Variants in SORBS2 observed in about 807,000 individuals in gnomAD.
SORBS2 encodes sorbin and SH3 domain-containing protein 2.
In SORBS2, 46 loss-of-function variants were observed where a neutral mutation model predicts 97.7. That is an observed-to-expected ratio of 0.47 (90% CI 0.37 to 0.60). SORBS2 has a LOEUF of 0.60. Among genes scored for constraint, SORBS2 ranks in the 20% least tolerant of loss-of-function variants. SORBS2 has a pLI of 0.00. For synonymous variants in SORBS2, 476 were observed against 473.4 expected (o/e 1.01, Z -0.07); for missense variants, 1,316 against 1,282.3 (o/e 1.03, Z -0.40).
chr4:185,680,513 C>T (rs114778447), intron 2 of SORBS2, among the ~76,000 whole-genome samples: 29 of 151,956 alleles, frequency 1.9e-4, no homozygotes, highest in Non-Finnish European at 3.2e-4. Flanking sequence ...GAAAGGACAA[C>T]GAAAAGCAAA....
chr4:185,766,850 T>C (rs4862570), intron 2 of SORBS2, among the ~76,000 whole-genome samples: 1 of 152,246 alleles, frequency 6.6e-6, no homozygotes, highest in African/African-American at 2.4e-5. Flanking sequence ...ATACATGCTG[T>C]ACGTGTGTTT....
intron 1 of SORBS2, among the ~76,000 whole-genome samples, chr4:185,848,495 G>A (rs1487632765): frequency 6.6e-6 from 1 of 151,944 alleles, no homozygotes; most frequent in Non-Finnish European, 1.5e-5. Context: ...TCAAATGGAT[G>A]CAAATTTATG....
intron 2 of SORBS2, among the ~76,000 whole-genome samples, chr4:185,682,587 T>C (rs974925395): frequency 6.6e-6 from 1 of 152,196 alleles, no homozygotes; most frequent in African/African-American, 2.4e-5. Context: ...TCGAAGGCAA[T>C]AAATATTTAT....
intron 2 of SORBS2, among the ~76,000 whole-genome samples, chr4:185,683,271 C>A (rs2097901317): frequency 6.6e-6 from 1 of 151,320 alleles, no homozygotes; most frequent in Non-Finnish European, 1.5e-5. Context: ...AGCATTAAAT[C>A]TTTTCTATGA....
At chr4:185,782,680 T>A (rs2099036737) in intron 1 of SORBS2, among the ~76,000 whole-genome samples, 1 of 152,242 alleles carries the variant, frequency 6.6e-6, no homozygotes, top group South Asian at 2.1e-4. Context: ...ATATTATGCA[T>A]AAGTTATAAA....
At position 185,677,260 on chromosome 4, in the gene SORBS2, T is replaced by C. The variant is rs1193178277; in HGVS notation, c.-46+1163A>G. The C allele has an allele frequency of 3.2e-6, 5 of 1,551,996 alleles. No homozygotes were observed. In the Admixed American group the frequency reaches 7.8e-5, roughly 24 times the overall value. ...AACTGTGGAGTACTAATGGGGCTGC[T>C]ACTTCCTAGATCCTGGTTATGGGTT... is the stretch of plus-strand genomic sequence containing the variant. On this transcript the variant is annotated intron_variant, in intron 4 of 20. Transcript: ENST00000284776.
chr4:185,668,534 G>A (rs922936322), intron 4 of SORBS2, among the ~76,000 whole-genome samples: 1 of 152,112 alleles, frequency 6.6e-6, no homozygotes, highest in Non-Finnish European at 1.5e-5. Context: ...CCACAAAAAA[G>A]CTTTGACAAG....
chr4:185,935,229 G>T (rs1357113882), intron 1 of SORBS2, among the ~76,000 whole-genome samples: 2 of 152,184 alleles, frequency 1.3e-5, no homozygotes, highest in Non-Finnish European at 2.9e-5. Context: ...GGCACAAGGG[G>T]TTCAATCCCA....
rs1241213789 is a variant in SORBS2, at chr4:185,697,361, C to A, written c.-197-18539G>T. 8.5e-5 allele frequency among the ~76,000 whole-genome samples: 13 copies of A among 152,256 alleles called. No individual in the cohort carries two copies. In the East Asian group the frequency reaches 2.3e-3, roughly 27 times the overall value. On this transcript the variant is annotated intron_variant, in intron 2 of 20. Coordinates refer to the SORBS2 transcript ENST00000284776. ...GATTTCTATGGATTTTCCCGTCTCC[C>A]AATTGTCCCACACCCAGCTTAGCAA... is the stretch of plus-strand genomic sequence containing the variant.
intron 1 of SORBS2, among the ~76,000 whole-genome samples, chr4:185,877,457 T>C (rs2099234244): frequency 6.6e-6 from 1 of 152,242 alleles, no homozygotes; most frequent in Admixed American, 6.5e-5. Context: ...GCAATCAGCA[T>C]CACATATATT....
chr4:185,699,356 G>A (rs1404858235), intron 2 of SORBS2, among the ~76,000 whole-genome samples: 3 of 139,062 alleles, frequency 2.2e-5, no homozygotes, highest in East Asian at 2.1e-4. Flanking sequence ...GTGCAATCTC[G>A]GCTCACCGCA....
At chr4:185,872,724 G>C (rs2099231077) in intron 1 of SORBS2, among the ~76,000 whole-genome samples, 5 of 152,188 alleles carry the variant, frequency 3.3e-5, no homozygotes. Context: ...TGGGGAGAGG[G>C]AGAAAGAGGG....
At chr4:185,590,720 T>C (rs1279086354) in intron 13 of SORBS2, among the ~76,000 whole-genome samples, 3 of 152,198 alleles carry the variant, frequency 2.0e-5, no homozygotes, top group East Asian at 1.9e-4. Context: ...GAAAACACCA[T>C]ACATTATAAT....
At chr4:185,740,596 GC>G (rs2098716466) in intron 2 of SORBS2, among the ~76,000 whole-genome samples, 1 of 152,034 alleles carries the variant, frequency 6.6e-6, no homozygotes, top group Non-Finnish European at 1.5e-5. Context: ...AGGCAGCTCA[GC>G]CCAACATTAA....
chr4:185,615,288 G>T, intron 9 of SORBS2, 129 bp from the exon 22 acceptor site: 1 of 644,098 alleles, frequency 1.6e-6, no homozygotes, highest in Non-Finnish European at 2.8e-6. Context: ...TTGATATTGA[G>T]TCCGATTAGA....
intron 4 of SORBS2, among the ~76,000 whole-genome samples, chr4:185,665,234 A>G (rs1325691683): frequency 6.6e-6 from 1 of 152,230 alleles, no homozygotes; most frequent in African/African-American, 2.4e-5. Flanking sequence ...TGAGTTCAAA[A>G]GTTGTAGCTG....
chr4:185,912,453 TGG>T (rs1371588391), intron 1 of SORBS2, among the ~76,000 whole-genome samples: 47 of 151,220 alleles, frequency 3.1e-4, no homozygotes, highest in African/African-American at 1.1e-3. Context: ...GCTGTGGTGG[TGG>T]GCACCTGTAA....
intron 1 of SORBS2, among the ~76,000 whole-genome samples, chr4:185,912,896 A>G (rs1268484929): frequency 3.3e-5 from 5 of 152,352 alleles, no homozygotes; most frequent in South Asian, 2.1e-4. Context: ...CGAATGTTAC[A>G]TAATAAACAG....
At chr4:185,815,210 A>G (rs566139232) in intron 1 of SORBS2, among the ~76,000 whole-genome samples, 80 of 152,308 alleles carry the variant, frequency 5.3e-4, no homozygotes, top group Non-Finnish European at 9.3e-4. Flanking sequence ...GACAAATTGA[A>G]CATCTTTTCA....
Sources: allele counts gnomAD v4.1 joint callset (sites outside exome capture counted in the v4.1 genomes callset), GRCh38; gene constraint gnomAD v4.1.1; transcripts MANE v1.5; gene names NCBI Gene and HGNC (gene_info 2026-07-23, HGNC 2026-07-21).